PDK1: variants seen among roughly 807,000 people sequenced by gnomAD.
PDK1 encodes the protein pyruvate dehydrogenase kinase 1.
In PDK1, 39 loss-of-function variants were observed where a neutral mutation model predicts 54.2. That is an observed-to-expected ratio of 0.72 (90% CI 0.56 to 0.94). The LOEUF is 0.94. Ranked by LOEUF, PDK1 falls within the 40% of genes least tolerant of loss-of-function variation. The pLI, the probability that PDK1 is intolerant of heterozygous loss-of-function variation, is 0.00. For missense variants in PDK1, 552 were observed against 566.0 expected, an observed-to-expected ratio of 0.98 and a Z score of 0.25; for synonymous variants, 221 against 207.1, an observed-to-expected ratio of 1.07 and a Z score of -0.58.
chr2:172,701,867 T>G, the PDK1 span, among the ~76,000 whole-genome samples: 1 of 152,190 alleles, frequency 6.6e-6, no homozygotes, highest in African/African-American at 2.4e-5. Context: ...TACATATGTC[T>G]GTTTTAGCTG....
chr2:172,643,823 A>G, the PDK1 span, among the ~76,000 whole-genome samples: 1 of 152,222 alleles, frequency 6.6e-6, no homozygotes, highest in African/African-American at 2.4e-5. Context: ...GGCTCCCTAA[A>G]GCATTATGAA....
the PDK1 span, among the ~76,000 whole-genome samples, chr2:172,669,834 A>G: frequency 6.6e-6 from 1 of 152,090 alleles, no homozygotes; most frequent in African/African-American, 2.4e-5. Flanking sequence ...TCTCTTGCCC[A>G]TTTTAAAATT....
chr2:172,710,073 A>G, the PDK1 span, among the ~76,000 whole-genome samples: 2 of 152,210 alleles, frequency 1.3e-5, no homozygotes, highest in Non-Finnish European at 2.9e-5. Context: ...GATTCTGGGT[A>G]TGCAGCCAGG....
intron 5 of PDK1, 88 bp downstream of exon 5, chr2:172,565,161 T>G (rs1418058826): frequency 1.3e-6 from 1 of 785,134 alleles, no homozygotes; most frequent in African/African-American, 1.7e-5. Context: ...ATTTGTATCA[T>G]GAGATAAAAT....
In PDK1 at chr2:172,599,732, A is replaced by G. The variant is rs1393946686; in HGVS notation, c.*3763A>G. On this transcript the variant is annotated 3_prime_UTR_variant, in exon 11 of 11. Transcript: ENST00000282077. ...ATGTTTGGAAAAAAGAATTGAACATATGTACCACCCCCCTCTTTCTAGAGT... is the reference window on the plus strand; with the variant it reads ...ATGTTTGGAAAAAAGAATTGAACATGTGTACCACCCCCCTCTTTCTAGAGT... The G allele has an allele frequency of 6.6e-6, 1 of 152,194 alleles. No individual in the cohort carries two copies. Among genetic ancestry groups the G allele is most frequent in the Non-Finnish European group, 1.5e-5 (1 of 68,024 alleles). 9.4% of individuals were successfully genotyped at this position (152,194 alleles called of 1,614,324 possible).
At chr2:172,574,919 A>G (rs1213869415) in intron 8 of PDK1, among the ~76,000 whole-genome samples, 2 of 152,216 alleles carry the variant, frequency 1.3e-5, no homozygotes, top group Non-Finnish European at 2.9e-5. Flanking sequence ...AAGTGCTGAC[A>G]GGAGACATCC....
At chr2:172,636,189 A>G in the PDK1 span, among the ~76,000 whole-genome samples, 2 of 152,206 alleles carry the variant, frequency 1.3e-5, no homozygotes, top group African/African-American at 4.8e-5. Context: ...GCTTTGCTAT[A>G]AAGGAATGCC....
chr2:172,702,604 CTT>C, the PDK1 span, among the ~76,000 whole-genome samples: 42 of 139,622 alleles, frequency 3.0e-4, no homozygotes, highest in Non-Finnish European at 3.7e-4. Context: ...TCCTAACTGC[CTT>C]TTTTTTTTTT....
intron 9 of PDK1, among the ~76,000 whole-genome samples, chr2:172,587,532 G>A (rs1346326073): frequency 2.6e-5 from 4 of 152,096 alleles, no homozygotes; most frequent in East Asian, 1.9e-4. Flanking sequence ...GCAGACCTTC[G>A]CGGTGAGTGT....
At chr2:172,561,830 C>T (rs2149199037) in intron 2 of PDK1, among the ~76,000 whole-genome samples, 1 of 152,244 alleles carries the variant, frequency 6.6e-6, no homozygotes, top group Non-Finnish European at 1.5e-5. Flanking sequence ...AGGCTGTCCT[C>T]CTTTTACTGA....
the PDK1 span, among the ~76,000 whole-genome samples, chr2:172,685,503 G>C: frequency 6.6e-6 from 1 of 152,118 alleles, no homozygotes; most frequent in South Asian, 2.1e-4. Context: ...GCCTCACTTT[G>C]GGTAAGTCAC....
At chr2:172,687,065 T>G in the PDK1 span, among the ~76,000 whole-genome samples, 1 of 152,204 alleles carries the variant, frequency 6.6e-6, no homozygotes, top group Non-Finnish European at 1.5e-5. Context: ...GTATTTAAGC[T>G]TGTTTTGAAA....
At chr2:172,614,881 G>T in the PDK1 span, among the ~76,000 whole-genome samples, 1 of 149,234 alleles carries the variant, frequency 6.7e-6, no homozygotes, top group Non-Finnish European at 1.5e-5. Flanking sequence ...TAAAAATTAA[G>T]TTAACAGATA....
chr2:172,664,909 G>T, the PDK1 span, among the ~76,000 whole-genome samples: 1 of 152,096 alleles, frequency 6.6e-6, no homozygotes, highest in Non-Finnish European at 1.5e-5. Flanking sequence ...TGTTATAGCT[G>T]CATATGGACT....
the PDK1 span, chr2:172,679,115 C>G: frequency 6.6e-6 from 1 of 152,282 alleles, no homozygotes; most frequent in African/African-American, 2.4e-5. Context: ...TGACTTGATG[C>G]TCATTAGTTT....
the PDK1 span, among the ~76,000 whole-genome samples, chr2:172,645,033 C>T: frequency 1.3e-5 from 2 of 151,888 alleles, no homozygotes; most frequent in African/African-American, 2.4e-5. Context: ...TGTGCTGGAA[C>T]TAGCTCATAC....
the PDK1 span, among the ~76,000 whole-genome samples, chr2:172,657,042 T>C: frequency 6.6e-6 from 1 of 152,210 alleles, no homozygotes; most frequent in Non-Finnish European, 1.5e-5. Flanking sequence ...CCTCCAGTGC[T>C]GGCCTTTTAT....
At chr2:172,721,137 G>A in the PDK1 span, among the ~76,000 whole-genome samples, 3 of 152,160 alleles carry the variant, frequency 2.0e-5, no homozygotes, top group South Asian at 2.1e-4. Flanking sequence ...GTGTTCTGCC[G>A]AAGGTGAGAC....
At chr2:172,703,931 C>G in the PDK1 span, among the ~76,000 whole-genome samples, 1 of 151,766 alleles carries the variant, frequency 6.6e-6, no homozygotes. Flanking sequence ...TGCCACCACA[C>G]CTGGCTAATT....
Sources: allele counts gnomAD v4.1 joint callset (sites outside exome capture counted in the v4.1 genomes callset), GRCh38; gene constraint gnomAD v4.1.1; transcripts MANE v1.5; gene names NCBI Gene and HGNC (gene_info 2026-07-23, HGNC 2026-07-21).